Variants in DSCAM observed in about 807,000 individuals in gnomAD.
DSCAM encodes cell adhesion molecule DSCAM.
Under a neutral mutation model 217.7 loss-of-function variants are expected in DSCAM, and 47 were observed. That is an observed-to-expected ratio of 0.22 (90% confidence interval 0.17 to 0.28). The LOEUF (loss-of-function observed/expected upper bound fraction) is 0.28, where lower values mean the gene tolerates loss of function less well. DSCAM is among the 10% of genes least tolerant of loss of function. The pLI, the probability that DSCAM is intolerant of heterozygous loss-of-function variation, is 1.00. For missense variants in DSCAM, 2,080 were observed against 2,618.3 expected, an observed-to-expected ratio of 0.79 and a Z score of 4.49; for synonymous variants, 1,056 against 1,015.3, an observed-to-expected ratio of 1.04 and a Z score of -0.76.
At chr21:40,801,066 C>T (rs1169689050) in intron 1 of DSCAM, among the ~76,000 whole-genome samples, 1 of 151,858 alleles carries the variant, frequency 6.6e-6, no homozygotes, top group East Asian at 1.9e-4. Context: ...ATTCTCCTGC[C>T]TCAGCCTCCC....
At chr21:40,184,056 T>C (rs2090868174) in intron 14 of DSCAM, among the ~76,000 whole-genome samples, 1 of 152,148 alleles carries the variant, frequency 6.6e-6, no homozygotes, top group Non-Finnish European at 1.5e-5. Flanking sequence ...GTGCAGATAG[T>C]AAATTAATAG....
At chr21:40,494,652 T>TA (rs202152176) in intron 3 of DSCAM, among the ~76,000 whole-genome samples, 36 of 144,870 alleles carry the variant, frequency 2.5e-4, no homozygotes, top group South Asian at 2.0e-3. Flanking sequence ...ACTTTTAAAT[T>TA]AAAAAAAAAA....
intron 3 of DSCAM, among the ~76,000 whole-genome samples, chr21:40,522,329 G>A (rs996718636): frequency 6.6e-6 from 1 of 152,156 alleles, no homozygotes; most frequent in African/African-American, 2.4e-5. Flanking sequence ...TCCACAACAA[G>A]GGATAATAGC....
At chr21:40,457,996 C>T (rs77946556) in intron 3 of DSCAM, among the ~76,000 whole-genome samples, 3 of 151,830 alleles carry the variant, frequency 2.0e-5, no homozygotes, top group South Asian at 2.1e-4. Flanking sequence ...TATGTGCACA[C>T]GATGAAAATA....
intron 3 of DSCAM, among the ~76,000 whole-genome samples, chr21:40,690,646 C>T (rs868633603): frequency 6.6e-6 from 1 of 152,258 alleles, no homozygotes; most frequent in Middle Eastern, 3.4e-3. Flanking sequence ...ATATTGCATG[C>T]CAGCATCATC....
At chr21:40,627,395 C>T (rs1004216668) in intron 3 of DSCAM, among the ~76,000 whole-genome samples, 1 of 152,166 alleles carries the variant, frequency 6.6e-6, no homozygotes, top group Non-Finnish European at 1.5e-5. Context: ...TCCTTCCACC[C>T]CCACTATATG....
At chr21:40,843,669 G>A (rs1308226054) in intron 1 of DSCAM, among the ~76,000 whole-genome samples, 8 of 152,016 alleles carry the variant, frequency 5.3e-5, no homozygotes, top group Non-Finnish European at 7.4e-5. Flanking sequence ...ACAGAAGCTC[G>A]CGTGTATTTC....
intron 1 of DSCAM, among the ~76,000 whole-genome samples, chr21:40,815,607 T>C (rs1488905665): frequency 6.6e-6 from 1 of 152,208 alleles, no homozygotes; most frequent in East Asian, 1.9e-4. Context: ...AATGGAAGTG[T>C]CACACACACC....
intron 3 of DSCAM, among the ~76,000 whole-genome samples, chr21:40,443,287 T>C (rs1412568506): frequency 1.3e-5 from 2 of 152,256 alleles, no homozygotes; most frequent in African/African-American, 4.8e-5. Context: ...CTGCATAATG[T>C]ACCCTACTTG....
chr21:40,598,186 G>A (rs2077035733), intron 3 of DSCAM, among the ~76,000 whole-genome samples: 1 of 152,160 alleles, frequency 6.6e-6, no homozygotes, highest in African/African-American at 2.4e-5. Context: ...AATGTCATAT[G>A]GTTGGATCCA....
At chr21:40,075,296 G>A (rs1283361426) in intron 26 of DSCAM, 83 bp from the exon 27 acceptor site, 41 of 1,470,536 alleles carry the variant, frequency 2.8e-5, no homozygotes, top group Admixed American at 1.1e-4. Flanking sequence ...TATAAAAATC[G>A]CGCTGTGTGA....
chr21:40,662,712 C>T (rs981952631), intron 3 of DSCAM, among the ~76,000 whole-genome samples: 2 of 152,120 alleles, frequency 1.3e-5, no homozygotes, highest in African/African-American at 4.8e-5. Context: ...AGCCACAAGA[C>T]CACTCACTTC....
intron 16 of DSCAM, among the ~76,000 whole-genome samples, chr21:40,152,795 C>T (rs2146738471): frequency 6.6e-6 from 1 of 152,330 alleles, no homozygotes; most frequent in East Asian, 1.9e-4. Context: ...ACTGCACCTG[C>T]CTGGATGTGA....
In DSCAM at chr21:40,832,805, TTA is replaced by T. The variant is rs1190285569; in HGVS notation, c.43+13812_43+13813del. 2.0e-5 allele frequency among the ~76,000 whole-genome samples: 3 copies of T among 152,312 alleles called. No homozygotes were observed. The East Asian group carries it at 5.8e-4, about 29-fold the overall frequency. On this transcript the variant is annotated intron_variant, in intron 1 of 32. Coordinates refer to ENST00000400454, the MANE Select transcript of DSCAM (RefSeq NM_001389.5). ...CAATGAGCCATGGTAATCTGCAGCC[TTA>T]GAGAAGAAGCCCATCAATGACAACA...
chr21:40,831,818 C>A (rs867604989), intron 1 of DSCAM, among the ~76,000 whole-genome samples: 2 of 152,150 alleles, frequency 1.3e-5, no homozygotes, highest in Non-Finnish European at 2.9e-5. Flanking sequence ...CTTAAGTAAG[C>A]GAAATGGCTG....
At chr21:40,699,358 T>G (rs1376895626) in intron 2 of DSCAM, among the ~76,000 whole-genome samples, 3 of 152,154 alleles carry the variant, frequency 2.0e-5, no homozygotes, top group African/African-American at 7.2e-5. Flanking sequence ...ATTAAATCAA[T>G]AAATAACCCT....
intron 10 of DSCAM, among the ~76,000 whole-genome samples, chr21:40,282,578 G>T (rs59533894): frequency 0.049 from 5,512 of 113,112 alleles, 432 homozygotes; most frequent in African/African-American, 0.16. Flanking sequence ...GCGAAAGAGC[G>T]AGACTCTGTC....
chr21:40,244,474 T>G (rs1226787370), intron 11 of DSCAM, among the ~76,000 whole-genome samples: 1 of 146,088 alleles, frequency 6.8e-6, no homozygotes, highest in Non-Finnish European at 1.5e-5. Flanking sequence ...AAAAAAAAAG[T>G]CACAATTGTG....
At chr21:40,015,548 G>A (rs1292434423) in intron 32 of DSCAM, among the ~76,000 whole-genome samples, 1 of 151,740 alleles carries the variant, frequency 6.6e-6, no homozygotes, top group Non-Finnish European at 1.5e-5. Context: ...TTCCACCTCA[G>A]CCTCCAGAGT....
Sources: allele counts gnomAD v4.1 joint callset (sites outside exome capture counted in the v4.1 genomes callset), GRCh38; gene constraint gnomAD v4.1.1; transcripts MANE v1.5; gene names NCBI Gene and HGNC (gene_info 2026-07-23, HGNC 2026-07-21).